GPATCH2: variants seen among roughly 807,000 people sequenced by gnomAD.
The protein encoded by GPATCH2 is G-patch domain containing 2.
A neutral mutation model predicts 58.0 loss-of-function variants in GPATCH2; 51 were observed. The observed-to-expected ratio is 0.88, with a 90% CI of 0.70 to 1.11. The LOEUF is 1.11. Ranked by LOEUF, GPATCH2 falls within the 50% of genes most tolerant of loss-of-function variation. The probability of loss-of-function intolerance (pLI) is 0.00; values close to 1 mark genes in which losing one functional copy is unlikely to be tolerated. For synonymous variants in GPATCH2, 222 were observed against 218.5 expected, an observed-to-expected ratio of 1.02 and a Z score of -0.14; for missense variants, 625 against 652.2, an observed-to-expected ratio of 0.96 and a Z score of 0.45.
chr1:217,598,627 G>A (rs111621527), intron 5 of GPATCH2, among the ~76,000 whole-genome samples: 5,948 of 151,532 alleles, frequency 0.039, 358 homozygotes, highest in African/African-American at 0.14. Context: ...CACCACACCC[G>A]GCTAATTTTT....
intron 5 of GPATCH2, among the ~76,000 whole-genome samples, chr1:217,531,539 G>A (rs886539571): frequency 6.6e-6 from 1 of 152,000 alleles, no homozygotes; most frequent in Non-Finnish European, 1.5e-5. Context: ...TCATGAAATA[G>A]TACACAAAAA....
intron 5 of GPATCH2, among the ~76,000 whole-genome samples, chr1:217,538,467 A>G (rs1312204035): frequency 6.6e-6 from 1 of 152,208 alleles, no homozygotes; most frequent in East Asian, 1.9e-4. Flanking sequence ...AAGGGTCAAA[A>G]TGGTTTTTAG....
chr1:217,536,121 C>G (rs897464177), intron 5 of GPATCH2, among the ~76,000 whole-genome samples: 3 of 152,054 alleles, frequency 2.0e-5, no homozygotes, highest in Non-Finnish European at 2.9e-5. Flanking sequence ...TTTAGTCTCA[C>G]AAGTGAGAAA....
chr1:217,545,373 T>G (rs142645795), intron 5 of GPATCH2, among the ~76,000 whole-genome samples: 176 of 152,294 alleles, frequency 1.2e-3, no homozygotes, highest in African/African-American at 3.8e-3. Flanking sequence ...GCTGGTAAGA[T>G]CTTAGAGTGA....
intron 8 of GPATCH2, among the ~76,000 whole-genome samples, chr1:217,486,275 A>G (rs1339200054): frequency 6.6e-6 from 1 of 152,198 alleles, no homozygotes; most frequent in Non-Finnish European, 1.5e-5. Context: ...TATTTTGATT[A>G]ATATTTATCA....
intron 7 of GPATCH2, among the ~76,000 whole-genome samples, chr1:217,494,517 T>A (rs1661910378): frequency 6.6e-6 from 1 of 152,188 alleles, no homozygotes; most frequent in Non-Finnish European, 1.5e-5. Context: ...GGCGGGCGGA[T>A]CACCTGAAGT....
At chr1:217,467,037 G>T (rs1347807460) in intron 8 of GPATCH2, among the ~76,000 whole-genome samples, 3 of 152,194 alleles carry the variant, frequency 2.0e-5, no homozygotes, top group Non-Finnish European at 4.4e-5. Context: ...GCTACGTGTG[G>T]TGGCACGTGC....
At chr1:217,464,055 C>A (rs1324849144) in intron 8 of GPATCH2, among the ~76,000 whole-genome samples, 2 of 151,986 alleles carry the variant, frequency 1.3e-5, no homozygotes, top group Admixed American at 6.6e-5. Context: ...AGAAATTAAA[C>A]CCTGACCACT....
rs1264348825 is a variant in GPATCH2, at chr1:217,595,021, G to C, written c.1098+15300C>G. On this transcript the variant is annotated intron_variant, in intron 5 of 9. Coordinates refer to ENST00000366935, the MANE Select transcript of GPATCH2 (RefSeq NM_018040.5). ...ATTACAGTAAGATGTTAAGGAAAGA[G>C]GGTGACTCTGAGATTACATTCAGTC... Among the ~76,000 whole-genome samples, 3 of 152,262 alleles carry C rather than the reference G, an allele frequency of 2.0e-5. No individual in the cohort carries two copies. The East Asian group carries it at 5.8e-4, about 29-fold the overall frequency.
chr1:217,623,040 A>T, intron 1 of GPATCH2, among the ~76,000 whole-genome samples: 1 of 152,216 alleles, frequency 6.6e-6, no homozygotes. Context: ...CTGTGACATT[A>T]TTTAATTAAA....
Position 217,461,879 on chromosome 1 carries a change from T to C in GPATCH2, c.1278-12542A>G, listed in dbSNP as rs73105606. Among the ~76,000 whole-genome samples, 1,150 of 152,276 alleles carry C rather than the reference T, an allele frequency of 7.6e-3. 10 individuals are homozygous for C. Among genetic ancestry groups the C allele is most frequent in the African/African-American group, 0.025 (1,051 of 41,574 alleles). On this transcript the variant is annotated intron_variant, in intron 8 of 9. Coordinates refer to ENST00000366935, the MANE Select transcript of GPATCH2 (RefSeq NM_018040.5). The stretch of plus-strand genomic sequence containing the variant: ...CCTGATAGTTTTTGGTAGATATATG[T>C]TATATCCCTAAAACTTTTACAGACT...
chr1:217,474,262 G>A (rs565886304), intron 8 of GPATCH2, among the ~76,000 whole-genome samples: 2 of 152,246 alleles, frequency 1.3e-5, no homozygotes, highest in African/African-American at 4.8e-5. Context: ...TATTGATGAA[G>A]TAGAACTTCC....
At chr1:217,470,818 T>C (rs1660693788) in intron 8 of GPATCH2, among the ~76,000 whole-genome samples, 1 of 152,148 alleles carries the variant, frequency 6.6e-6, no homozygotes, top group Admixed American at 6.5e-5. Context: ...GAGCTTTCTT[T>C]TTAATTGGAA....
At chr1:217,455,465 C>A (rs1375175492) in intron 8 of GPATCH2, among the ~76,000 whole-genome samples, 1 of 152,162 alleles carries the variant, frequency 6.6e-6, no homozygotes, top group African/African-American at 2.4e-5. Flanking sequence ...ATAGAATGAT[C>A]TGCCTGCCAC....
chr1:217,611,141 G>T, intron 3 of GPATCH2, 70 bp from the exon 4 acceptor site: 1 of 1,356,862 alleles, frequency 7.4e-7, no homozygotes, highest in Non-Finnish European at 1.0e-6. Context: ...AATTAGTCTT[G>T]TCAGGTAATA....
At position 217,617,534 on chromosome 1, in the gene GPATCH2, A is replaced by G. The variant is rs1174888797; in HGVS notation, c.773+2249T>C. Among the ~76,000 whole-genome samples the G allele has an allele frequency of 3.3e-5, 5 of 152,048 alleles. No individual in the cohort carries two copies. In the East Asian group the frequency reaches 9.6e-4, roughly 29 times the overall value. ...ATCATCAATGTTTGTTAAATCTGAC[A>G]CACACACACAGCCCCCCACACTGAA... On this transcript the variant is annotated intron_variant, in intron 2 of 9. Transcript: ENST00000366935.
At chr1:217,560,199 T>C (rs907049979) in intron 5 of GPATCH2, among the ~76,000 whole-genome samples, 15 of 152,218 alleles carry the variant, frequency 9.9e-5, no homozygotes, top group African/African-American at 3.1e-4. Context: ...GTGTTTGTTT[T>C]GCAAGGCTCA....
At chr1:217,463,400 T>G (rs1364551645) in intron 8 of GPATCH2, among the ~76,000 whole-genome samples, 4 of 152,008 alleles carry the variant, frequency 2.6e-5, no homozygotes, top group South Asian at 4.1e-4. Context: ...TATATCGCAT[T>G]CAAGGTAAGA....
At chr1:217,626,818 A>T (rs1889027) in intron 1 of GPATCH2, among the ~76,000 whole-genome samples, 89,470 of 151,934 alleles carry the variant, frequency 0.59, 27,194 homozygotes, top group Non-Finnish European at 0.63. Context: ...AGTTTAGAAA[A>T]TCCTTGACTC....
Sources: gnomAD v4.1 joint callset for allele counts (sites outside exome capture counted in the v4.1 genomes callset) on GRCh38, gnomAD v4.1.1 for gene constraint, MANE v1.5 for transcripts, NCBI Gene and HGNC (gene_info 2026-07-23, HGNC 2026-07-21) for gene names.